The following PCM1 variants were observed in gnomAD, a reference collection of about 807,000 sequenced individuals.
PCM1 encodes the protein pericentriolar material 1 protein.
PCM1 carries 157 observed loss-of-function variants against 241.9 expected under a neutral mutation model. The ratio of observed to expected loss-of-function variants is 0.65; its 90% CI spans 0.57 to 0.74. PCM1 has a LOEUF of 0.74. Among genes scored for constraint, PCM1 ranks in the 30% least tolerant of loss-of-function variants. The probability of loss-of-function intolerance (pLI) is 0.00; values close to 1 mark genes in which losing one functional copy is unlikely to be tolerated. For missense variants in PCM1, 3,478 were observed against 2,360.1 expected, an observed-to-expected ratio of 1.47 and a Z score of -9.81; for synonymous variants, 1,085 against 784.9, an observed-to-expected ratio of 1.38 and a Z score of -6.39.
chr8:17,962,006 A>G (rs765167408), intron 15 of PCM1, 28 bp from the exon 16 acceptor site: 6 of 1,588,574 alleles, frequency 3.8e-6, no homozygotes, highest in South Asian at 1.1e-5. Flanking sequence ...TTAATTCCTC[A>G]TAACGTTTTT....
chr8:17,940,724 T>C (rs1385580738), intron 6 of PCM1, among the ~76,000 whole-genome samples: 1 of 152,204 alleles, frequency 6.6e-6, no homozygotes, highest in Non-Finnish European at 1.5e-5. Context: ...ATTGCTGACT[T>C]GGCAAAATGG....
At chr8:17,949,997 C>G (rs1395441736) in intron 7 of PCM1, among the ~76,000 whole-genome samples, 2 of 152,006 alleles carry the variant, frequency 1.3e-5, no homozygotes, top group African/African-American at 4.8e-5. Context: ...ATAAATTATC[C>G]ATTTTACTGC....
intron 2 of PCM1, among the ~76,000 whole-genome samples, chr8:17,929,951 C>T (rs2058442490): frequency 6.6e-6 from 1 of 152,090 alleles, no homozygotes; most frequent in South Asian, 2.1e-4. Context: ...GTTTCCTGAC[C>T]ATGGTTGACT....
At chr8:17,970,690 G>A (rs1211667292) in intron 22 of PCM1, among the ~76,000 whole-genome samples, 1 of 152,094 alleles carries the variant, frequency 6.6e-6, no homozygotes, top group Non-Finnish European at 1.5e-5. Flanking sequence ...TTTATTCAAA[G>A]CTTCGGTGAA....
chr8:17,954,136 T>C (rs1269529730), intron 9 of PCM1, among the ~76,000 whole-genome samples: 1 of 152,160 alleles, frequency 6.6e-6, no homozygotes, highest in Middle Eastern at 3.2e-3. Flanking sequence ...TGAATACAAC[T>C]AAGATGTGTG....
At chr8:17,998,418 G>C (rs1395522587) in intron 29 of PCM1, among the ~76,000 whole-genome samples, 2 of 152,178 alleles carry the variant, frequency 1.3e-5, no homozygotes, top group African/African-American at 4.8e-5. Flanking sequence ...ACTCATAGCG[G>C]TATACCACTT....
intron 2 of PCM1, among the ~76,000 whole-genome samples, chr8:17,932,075 C>T (rs974705839): frequency 5.3e-5 from 8 of 152,082 alleles, no homozygotes; most frequent in Non-Finnish European, 1.0e-4. Flanking sequence ...ATTACTTTTT[C>T]CATGATACAC....
At chr8:17,968,365 C>T (rs1420884360) in intron 21 of PCM1, among the ~76,000 whole-genome samples, 1 of 152,082 alleles carries the variant, frequency 6.6e-6, no homozygotes, top group Non-Finnish European at 1.5e-5. Context: ...AGAAAGATTA[C>T]ACTGGTGAAA....
At chr8:18,011,957 A>G (rs1220245483) in intron 34 of PCM1, 130 bp downstream of exon 34, 13 of 782,016 alleles carry the variant, frequency 1.7e-5, no homozygotes, top group East Asian at 2.9e-5. Flanking sequence ...AGCCTCATTA[A>G]TATGCTTATT....
At chr8:17,978,941 C>A (rs76782899) in intron 23 of PCM1, among the ~76,000 whole-genome samples, 1,945 of 152,072 alleles carry the variant, frequency 0.013, 27 homozygotes, top group South Asian at 0.025. Flanking sequence ...GACAAATAAT[C>A]ATAGAAGCTA....
At chr8:17,979,688 G>C (rs377222461) in intron 23 of PCM1, among the ~76,000 whole-genome samples, 14 of 152,260 alleles carry the variant, frequency 9.2e-5, no homozygotes, top group African/African-American at 3.4e-4. Flanking sequence ...AGATGGAAAA[G>C]ATGGAAATGC....
At chr8:18,027,192 C>T (rs2094295451) in intron 38 of PCM1, among the ~76,000 whole-genome samples, 1 of 152,226 alleles carries the variant, frequency 6.6e-6, no homozygotes, top group East Asian at 1.9e-4. Flanking sequence ...TTTCTGTTTT[C>T]AGCCCACTTC....
At chr8:17,946,414 G>A (rs208768) in intron 6 of PCM1, among the ~76,000 whole-genome samples, 80,600 of 151,946 alleles carry the variant, frequency 0.53, 22,558 homozygotes, top group Middle Eastern at 0.64. Context: ...TAAAATTTCA[G>A]TCCTTTGTTA....
At chr8:18,004,997 C>T (rs1438944717) in intron 29 of PCM1, among the ~76,000 whole-genome samples, 1 of 152,122 alleles carries the variant, frequency 6.6e-6, no homozygotes, top group East Asian at 1.9e-4. Flanking sequence ...TTTTCCATAT[C>T]TACTGTTACT....
intron 36 of PCM1, among the ~76,000 whole-genome samples, chr8:18,018,044 T>C (rs2093390501): frequency 6.6e-6 from 1 of 152,148 alleles, no homozygotes; most frequent in South Asian, 2.1e-4. Flanking sequence ...CCCATGCTAA[T>C]AAATCAGCCA....
intron 36 of PCM1, among the ~76,000 whole-genome samples, chr8:18,022,484 C>A (rs1480481944): frequency 1.3e-5 from 2 of 152,214 alleles, no homozygotes; most frequent in African/African-American, 4.8e-5. Flanking sequence ...TCTACTCCCA[C>A]ACACACTTGG....
In PCM1 at chr8:17,935,688, T is replaced by C. The variant is rs1284579780; in HGVS notation, c.78T>C (p.Asp26=). Residue 26 remains aspartate, a synonymous_variant, in exon 3 of 39, where the codon GAT becomes GAC. Coordinates refer to ENST00000325083, the MANE Select transcript of PCM1 (RefSeq NM_006197.4). ...CAAACTGGAGTAATGAGAATGTTGA[T>C]GACAGGCTCAACAATATGGTATGAT... The part of the protein sequence containing the change: ...DLPNWSNENV[D]DRLNNMDWGA... 6.8e-7 allele frequency: 1 copy of C among 1,460,966 alleles called. No homozygotes were observed. Among genetic ancestry groups the C allele is most frequent in the Non-Finnish European group, 9.6e-7 (1 of 1,040,642 alleles). The allele number at this position is 1,460,966 out of a possible 1,614,324, so 90.5% of individuals were successfully genotyped here.
At chr8:17,954,846 A>G (rs2067458986) in intron 9 of PCM1, among the ~76,000 whole-genome samples, 1 of 152,224 alleles carries the variant, frequency 6.6e-6, no homozygotes. Flanking sequence ...ATAGAGGATT[A>G]GCCATTATCT....
chr8:17,923,996 T>G (rs570004817), intron 1 of PCM1, among the ~76,000 whole-genome samples: 292 of 82,554 alleles, frequency 3.5e-3, no homozygotes, highest in Middle Eastern at 0.014. Flanking sequence ...TAATTTTTTT[T>G]GTTTTGTTTT....
Sources: gnomAD v4.1 joint callset for allele counts (sites outside exome capture counted in the v4.1 genomes callset) on GRCh38, gnomAD v4.1.1 for gene constraint, MANE v1.5 for transcripts, NCBI Gene and HGNC (gene_info 2026-07-23, HGNC 2026-07-21) for gene names.